The following ZNF251 variants were observed in gnomAD, a reference collection of about 807,000 sequenced individuals.
ZNF251 encodes the protein zinc finger protein 251.
ZNF251 carries 14 observed loss-of-function variants against 13.5 expected under a neutral mutation model. The observed-to-expected ratio is 1.04, with a 90% CI of 0.69 to 1.63. The LOEUF (loss-of-function observed/expected upper bound fraction) is 1.63. Among genes scored for constraint, ZNF251 ranks in the 40% most tolerant of loss-of-function variants. The pLI, the probability that ZNF251 is intolerant of heterozygous loss-of-function variation, is 0.00. For synonymous variants in ZNF251, 287 were observed against 295.2 expected (o/e 0.97, Z 0.28); for missense variants, 764 against 834.9 (o/e 0.92, Z 1.05).
chr8:144,746,678 T>G (rs185133770), intron 4 of ZNF251, among the ~76,000 whole-genome samples: 178 of 152,332 alleles, frequency 1.2e-3, no homozygotes, highest in African/African-American at 2.9e-3. Flanking sequence ...ATAGCCCTAT[T>G]CAGATTGTCT....
intron 4 of ZNF251, among the ~76,000 whole-genome samples, chr8:144,741,013 G>A (rs1563764897): frequency 6.6e-6 from 1 of 152,214 alleles, no homozygotes; most frequent in Non-Finnish European, 1.5e-5. Context: ...GCATTTTCAA[G>A]GACAACAGGA....
intron 4 of ZNF251, among the ~76,000 whole-genome samples, chr8:144,751,154 T>G (rs969002126): frequency 3.3e-5 from 5 of 152,100 alleles, no homozygotes; most frequent in African/African-American, 4.8e-5. Flanking sequence ...CGGCCATACC[T>G]CTCCAATTTT....
At chr8:144,754,995 A>G in intron 1 of ZNF251, 192 bp from the exon 2 acceptor site, 1 of 1,391,042 alleles carries the variant, frequency 7.2e-7, no homozygotes, top group Non-Finnish European at 9.3e-7. Context: ...GCCCGGGGGG[A>G]TCCAGGGACG....
intron 3 of ZNF251, 29 bp downstream of exon 3, chr8:144,754,163 C>A (rs534294750): frequency 2.5e-6 from 4 of 1,599,402 alleles, no homozygotes; most frequent in East Asian, 4.5e-5. Context: ...GCCCCCACTG[C>A]GAACCAGGCC....
chr8:144,737,891 C>T (rs943264199), intron 4 of ZNF251, among the ~76,000 whole-genome samples: 2 of 132,354 alleles, frequency 1.5e-5, no homozygotes, highest in Admixed American at 7.6e-5. Flanking sequence ...ACATAAAATA[C>T]AGGGGCCGGT....
intron 4 of ZNF251, among the ~76,000 whole-genome samples, chr8:144,737,569 C>T (rs1482674305): frequency 3.3e-5 from 5 of 151,784 alleles, no homozygotes; most frequent in Admixed American, 3.3e-4. Context: ...TGGCTCACAC[C>T]TGTAATCCCA....
At chr8:144,723,640 CAAATATTTA>C (rs761401501) in intron 4 of ZNF251, among the ~76,000 whole-genome samples, 50 of 152,274 alleles carry the variant, frequency 3.3e-4, no homozygotes, top group Non-Finnish European at 5.7e-4. Context: ...AATTATTCAA[CAAATATTTA>C]GAAGGCCAGG....
In ZNF251 at chr8:144,734,031, G is replaced by A. The variant is rs116950933; in HGVS notation, c.278-10649C>T. 0.014 allele frequency among the ~76,000 whole-genome samples: 2,093 copies of A among 152,302 alleles called. 32 individuals carry two copies. Among genetic ancestry groups the A allele is most frequent in the Non-Finnish European group, 0.022 (1,476 of 68,036 alleles). ...GAATCTTAGGCTGCACGTGCCAGAT[G>A]CCTAAACTGTGCAGCCTGAATGACT... On this transcript the variant is annotated intron_variant, in intron 4 of 4. Coordinates refer to ENST00000292562, the MANE Select transcript of ZNF251 (RefSeq NM_138367.2). This position sits in a 1 kb window ranked among gnomAD's most constrained non-coding sequence, Gnocchi z 4.4.
chr8:144,735,202 A>G (rs1418936624), intron 4 of ZNF251, among the ~76,000 whole-genome samples: 1 of 151,944 alleles, frequency 6.6e-6, no homozygotes, highest in East Asian at 1.9e-4. Context: ...CCTAGCCAAC[A>G]TGGTAAAACC....
chr8:144,731,368 T>C (rs1426895640), intron 4 of ZNF251, among the ~76,000 whole-genome samples: 1 of 152,220 alleles, frequency 6.6e-6, no homozygotes, highest in East Asian at 1.9e-4. Flanking sequence ...TGGAACTTTC[T>C]GGGCAACAAT....
chr8:144,731,444 T>C (rs1031489022), intron 4 of ZNF251, among the ~76,000 whole-genome samples: 2 of 152,214 alleles, frequency 1.3e-5, no homozygotes, highest in Non-Finnish European at 2.9e-5. Context: ...ACTCAGCAAA[T>C]TCACACTTAA....
intron 4 of ZNF251, among the ~76,000 whole-genome samples, chr8:144,731,992 G>C (rs572175501): frequency 6.7e-6 from 1 of 148,660 alleles, no homozygotes; most frequent in Non-Finnish European, 1.5e-5. Flanking sequence ...ACCCAGGCTG[G>C]AGTGCAATGA....
chr8:144,737,695 G>A (rs1360921833), intron 4 of ZNF251, among the ~76,000 whole-genome samples: 1 of 149,966 alleles, frequency 6.7e-6, no homozygotes, highest in Non-Finnish European at 1.5e-5. Context: ...AGCCAGGCGT[G>A]GTGGCAGGCG....
At chr8:144,751,332 T>C (rs1824683533) in intron 4 of ZNF251, among the ~76,000 whole-genome samples, 1 of 152,224 alleles carries the variant, frequency 6.6e-6, no homozygotes, top group African/African-American at 2.4e-5. Context: ...TTCCTTTTCC[T>C]TTTTTATAAA....
chr8:144,751,553 T>A (rs1157690843), intron 4 of ZNF251, among the ~76,000 whole-genome samples: 2 of 151,860 alleles, frequency 1.3e-5, no homozygotes, highest in African/African-American at 2.4e-5. Flanking sequence ...CTGTAAAAAA[T>A]AATGCAAAAA....
intron 4 of ZNF251, among the ~76,000 whole-genome samples, chr8:144,726,533 C>A (rs899292393): frequency 2.0e-5 from 3 of 151,240 alleles, no homozygotes; most frequent in African/African-American, 7.3e-5. Context: ...GAGACTCTGT[C>A]TCAAAATAAT....
intron 4 of ZNF251, among the ~76,000 whole-genome samples, chr8:144,726,194 CAAAAAAAAAAAA>C (rs35542133): frequency 1.2e-4 from 6 of 52,140 alleles, no homozygotes; most frequent in Non-Finnish European, 1.3e-4. Flanking sequence ...GACTCTGTCT[CAAAAAAAAAAAA>C]AAAAAAAAAA....
At chr8:144,753,274 G>GAAAAAAAAA (rs11336657) in intron 4 of ZNF251, among the ~76,000 whole-genome samples, 6 of 41,832 alleles carry the variant, frequency 1.4e-4, no homozygotes, top group Non-Finnish European at 2.0e-4. Flanking sequence ...ATTCTGTCTC[G>GAAAAAAAAA]AAAAAAAAAA....
In ZNF251 at chr8:144,744,016, T is replaced by TA. The variant is rs202221249; in HGVS notation, c.277+9666_277+9667insT. Among the ~76,000 whole-genome samples the TA allele has an allele frequency of 6.0e-4, 87 of 145,898 alleles. No homozygotes were observed. The East Asian group carries it at 0.012, about 19-fold the overall frequency. ...TTCTCATTCTCTCGTTGTCTTTTTT[T>TA]TTTTTTTTTTTTTTGGAGATGGAGT... On this transcript the variant is annotated intron_variant, in intron 4 of 4. Coordinates refer to ENST00000292562, the MANE Select transcript of ZNF251 (RefSeq NM_138367.2).
Sources: allele counts gnomAD v4.1 joint callset (sites outside exome capture counted in the v4.1 genomes callset), GRCh38; gene constraint gnomAD v4.1.1; non-coding constraint Gnocchi (gnomAD v3.1); transcripts MANE v1.5; gene names NCBI Gene and HGNC (gene_info 2026-07-23, HGNC 2026-07-21).